TRPV4: variants seen among roughly 807,000 people sequenced by gnomAD.
TRPV4 encodes transient receptor potential cation channel subfamily V member 4, also known as OSM9-like transient receptor potential channel 4.
Under a neutral mutation model 84.1 loss-of-function variants are expected in TRPV4, and 58 were observed. The observed-to-expected ratio is 0.69, with a 90% CI of 0.56 to 0.86. TRPV4 has a LOEUF of 0.86. Among genes scored for constraint, TRPV4 ranks in the 40% least tolerant of loss-of-function variants. The pLI is 0.00. For synonymous variants in TRPV4, 489 were observed against 500.9 expected (o/e 0.98, Z 0.32); for missense variants, 879 against 1,181.1 (o/e 0.74, Z 3.75).
At chr12:109,790,535 TC>T (rs1889960668) in intron 12 of TRPV4, among the ~76,000 whole-genome samples, 1 of 152,226 alleles carries the variant, frequency 6.6e-6, no homozygotes, top group Non-Finnish European at 1.5e-5. Flanking sequence ...TTAAATTTTA[TC>T]CTTCCATGTA....
intron 11 of TRPV4, 58 bp downstream of exon 11, chr12:109,792,594 G>A: frequency 1.3e-6 from 2 of 1,592,254 alleles, no homozygotes; most frequent in Non-Finnish European, 1.7e-6. Flanking sequence ...TGTGCATGTG[G>A]TGTGTGTGTG....
chr12:109,806,798 C>G (rs1355052035), intron 3 of TRPV4, among the ~76,000 whole-genome samples: 1 of 146,760 alleles, frequency 6.8e-6, no homozygotes, highest in Non-Finnish European at 1.5e-5. Flanking sequence ...AAGTTCAAGG[C>G]TGCAGGGAGC....
intron 7 of TRPV4, among the ~76,000 whole-genome samples, chr12:109,795,427 A>G (rs1890325980): frequency 6.6e-6 from 1 of 152,260 alleles, no homozygotes; most frequent in Non-Finnish European, 1.5e-5. Flanking sequence ...AGTAAGCCAC[A>G]GGGCAGGGCT....
At position 109,798,477 on chromosome 12, in the gene TRPV4, G is replaced by T; in HGVS notation, c.1152+137C>A. On this transcript the variant is annotated intron_variant, in intron 6 of 15. Coordinates refer to ENST00000261740, the MANE Select transcript of TRPV4 (RefSeq NM_021625.5). This position sits in a 1 kb window ranked among gnomAD's most constrained non-coding sequence, Gnocchi z 5.0. ...GGAGCCATAGCAGGTTCTTGAGCTG[G>T]GACATCTGCACACTGGGGTTGGCAT... 1.8e-6 allele frequency: 2 copies of T among 1,112,268 alleles called. No individual in the cohort carries two copies. The highest frequency in any genetic ancestry group is 1.4e-5 in the South Asian group (1 of 70,614). The allele number at this position is 1,112,268 out of a possible 1,614,324, so 68.9% of individuals were successfully genotyped here.
At position 109,815,927 on chromosome 12, in the gene TRPV4, G is replaced by C. The variant is rs1455327309; in HGVS notation, c.-31-1100C>G. Among the ~76,000 whole-genome samples the C allele has an allele frequency of 3.9e-5, 6 of 152,228 alleles. No homozygotes were observed. Among genetic ancestry groups the C allele is most frequent in the African/African-American group, 1.4e-4 (6 of 41,460 alleles). ...TTAGCCAGGAGCCAGGGCAAGGGAG[G>C]GGCAAGGCCCCACTGGTTGGCTGTC... On this transcript the variant is annotated intron_variant, in intron 1 of 15. Transcript: ENST00000261740. This position sits in a 1 kb window ranked among gnomAD's most constrained non-coding sequence, Gnocchi z 4.1.
chr12:109,818,506 G>A (rs1891960228), intron 1 of TRPV4, among the ~76,000 whole-genome samples: 1 of 152,040 alleles, frequency 6.6e-6, no homozygotes, highest in Admixed American at 6.6e-5. Context: ...GGAGTACCAG[G>A]GTACCACCCG....
intron 7 of TRPV4, among the ~76,000 whole-genome samples, chr12:109,794,699 C>T (rs576377795): frequency 2.0e-5 from 3 of 152,262 alleles, no homozygotes; most frequent in South Asian, 2.1e-4. Context: ...TCACAGAACT[C>T]GGAACTGGAA....
chr12:109,802,065 AG>A (rs1451620461), intron 4 of TRPV4, among the ~76,000 whole-genome samples: 1 of 151,606 alleles, frequency 6.6e-6, no homozygotes, highest in Non-Finnish European at 1.5e-5. Flanking sequence ...CCGCCACCAC[AG>A]CATCTTAGGG....
intron 2 of TRPV4, among the ~76,000 whole-genome samples, chr12:109,813,874 GGATA>G (rs995625163): frequency 6.6e-5 from 10 of 151,780 alleles, no homozygotes; most frequent in Middle Eastern, 3.2e-3. Context: ...ATGGGTAGAT[GGATA>G]GATGGATGGA....
intron 12 of TRPV4, 101 bp downstream of exon 12, chr12:109,792,262 A>AAG: frequency 2.2e-6 from 2 of 910,868 alleles, no homozygotes; most frequent in East Asian, 2.9e-5. Context: ...AAAAAAAAAA[A>AAG]AAAGAACTCA....
At position 109,786,049 on chromosome 12, in the gene TRPV4, G is replaced by A. The variant is rs988321452; in HGVS notation, c.2336+661C>T. Among the ~76,000 whole-genome samples the A allele has an allele frequency of 2.0e-5, 3 of 152,026 alleles. No homozygotes were observed. The highest frequency in any genetic ancestry group is 4.4e-5 in the Non-Finnish European group (3 of 68,006). ...ATTGAACTGATCGGATGGCCTAGGA[G>A]GTGGGTTCTATTATTGTTCCCATTT... is the stretch of plus-strand genomic sequence containing the variant. On this transcript the variant is annotated intron_variant, in intron 14 of 15. Coordinates refer to ENST00000261740, the MANE Select transcript of TRPV4 (RefSeq NM_021625.5). This position sits in a 1 kb window ranked among gnomAD's most constrained non-coding sequence, Gnocchi z 4.5.
intron 1 of TRPV4, among the ~76,000 whole-genome samples, chr12:109,822,097 G>A (rs1319369869): frequency 6.6e-6 from 1 of 152,030 alleles, no homozygotes; most frequent in Non-Finnish European, 1.5e-5. Context: ...GGGCAGAGGA[G>A]GTGTCAAGGA....
At chr12:109,811,139 C>G (rs368977974) in intron 2 of TRPV4, among the ~76,000 whole-genome samples, 1 of 152,176 alleles carries the variant, frequency 6.6e-6, no homozygotes, top group African/African-American at 2.4e-5. Context: ...GCTTAAATGT[C>G]AACTCCTCCA....
chr12:109,794,525 GA>G, intron 7 of TRPV4, 38 bp from the exon 8 acceptor site: 1 of 1,611,950 alleles, frequency 6.2e-7, no homozygotes. Flanking sequence ...GCCTTCCTGA[GA>G]TGGGTGGGGG....
Position 109,794,346 on chromosome 12 carries a change from G to T in TRPV4, c.1474C>A (p.Gln492Lys). The change falls in exon 8 of 16, where the codon CAG becomes AAG. Residue 492 changes from glutamine to lysine, a missense_variant. Coordinates refer to ENST00000261740, the MANE Select transcript of TRPV4 (RefSeq NM_021625.5). ...MVIFTLTAYY[Q>K]PLEGTPPYPY... ...GCACTCACTGTGCCCTCCAGCGGCT[G>T]GTAGTAGGCGGTGAGAGTGAAGATG... 1 of 1,612,564 alleles carries T rather than the reference G, an allele frequency of 6.2e-7. No homozygotes were observed. The highest frequency in any genetic ancestry group is 8.5e-7 in the Non-Finnish European group (1 of 1,180,010).
intron 7 of TRPV4, among the ~76,000 whole-genome samples, chr12:109,794,879 G>A (rs11068311): frequency 0.24 from 36,712 of 152,040 alleles, 5,312 homozygotes; most frequent in East Asian, 0.66. Flanking sequence ...TTAGCCGGGC[G>A]TGGTGGTGCA....
chr12:109,801,549 C>T (rs1890784104), intron 4 of TRPV4, among the ~76,000 whole-genome samples: 1 of 152,206 alleles, frequency 6.6e-6, no homozygotes, highest in Admixed American at 6.5e-5. Context: ...CTCCCCAGCC[C>T]TGCGGAACTG....
chr12:109,786,743 G>A lies in TRPV4; in HGVS notation c.2303C>T (p.Ser768Leu), dbSNP rs762710224. ...SGEMVTVGKS[S>L]DGTPDRRWCF... ...CCACCTGCGGTCAGGAGTGCCGTCC[G>A]AGCTCTTGCCCACGGTGACCATCTC... The change falls in exon 14 of 16, where the codon TCG becomes TTG. Residue 768 changes from serine (S) to leucine (L), a missense_variant. By Grantham distance (145) the Ser-to-Leu change is moderately radical (BLOSUM62 -2). Around this residue, in one of 4 missense-constraint regions of TRPV4, gnomAD observed 242 missense variants for 355.3 expected, o/e 0.68. Coordinates refer to ENST00000261740, the MANE Select transcript of TRPV4 (RefSeq NM_021625.5). This position sits in a 1 kb window ranked among gnomAD's most constrained non-coding sequence, Gnocchi z 4.5. The A allele has an allele frequency of 3.2e-5, 51 of 1,613,906 alleles. No individual in the cohort carries two copies. The highest frequency in any genetic ancestry group is 3.9e-5 in the Non-Finnish European group (46 of 1,180,006).
rs1291042748 is a variant in TRPV4, at chr12:109,783,642, C to T, written c.2595G>A (p.Arg865=). The change falls in exon 16 of 16, where the codon AGG becomes AGA. Residue 865 remains arginine, a synonymous_variant. Transcript: ENST00000261740. This position sits in a 1 kb window ranked among gnomAD's most constrained non-coding sequence, Gnocchi z 4.6. ...GTCCCTAGAGCGGGGCGTCATCAGT[C>T]CTCCACTTGCGGGGGTAACCCTGCT... The part of the protein sequence containing the change: ...GHQQGYPRKW[R]TDDAPL 1.2e-6 allele frequency: 2 copies of T among 1,613,662 alleles called. No homozygotes were observed. The highest frequency in any genetic ancestry group is 1.7e-6 in the Non-Finnish European group (2 of 1,179,946).
Sources: gnomAD v4.1 joint callset for allele counts (sites outside exome capture counted in the v4.1 genomes callset) on GRCh38, gnomAD v4.1.1 for gene constraint, gnomAD v4.1.1 regional missense constraint, Gnocchi (gnomAD v3.1) non-coding constraint, MANE v1.5 for transcripts, NCBI Gene and HGNC (gene_info 2026-07-23, HGNC 2026-07-21) for gene names.